Variants in LRBA observed in about 807,000 individuals in gnomAD.
LRBA encodes lipopolysaccharide-responsive and beige-like anchor protein.
Under a neutral mutation model 330.0 loss-of-function variants are expected in LRBA, and 176 were observed. The ratio of observed to expected loss-of-function variants is 0.53; its 90% CI spans 0.47 to 0.60. The LOEUF is 0.60. Ranked by LOEUF, LRBA falls within the 20% of genes least tolerant of loss-of-function variation. The pLI is 0.00. For missense variants in LRBA, 3,259 were observed against 3,444.8 expected, an observed-to-expected ratio of 0.95 and a Z score of 1.35; for synonymous variants, 1,230 against 1,193.0, an observed-to-expected ratio of 1.03 and a Z score of -0.64.
chr4:150,727,287 T>A (rs1729832774), intron 36 of LRBA, among the ~76,000 whole-genome samples: 1 of 152,030 alleles, frequency 6.6e-6, no homozygotes, highest in Admixed American at 6.6e-5. Flanking sequence ...TTGGCCAGGC[T>A]GGTCTCAAAC....
At chr4:150,637,936 T>C (rs1043757548) in intron 37 of LRBA, among the ~76,000 whole-genome samples, 4 of 152,206 alleles carry the variant, frequency 2.6e-5, no homozygotes, top group Non-Finnish European at 5.9e-5. Flanking sequence ...CTGGGACCTT[T>C]GTATTTCCAT....
intron 37 of LRBA, among the ~76,000 whole-genome samples, chr4:150,655,486 G>A (rs1780095322): frequency 6.6e-6 from 1 of 152,160 alleles, no homozygotes; most frequent in East Asian, 1.9e-4. Context: ...GGGTTGCTGG[G>A]TGAAGGAATA....
At chr4:150,805,587 AAAGGAAAGGAAAGGAAAAGAAAG>A (rs1560842803) in intron 33 of LRBA, among the ~76,000 whole-genome samples, 7 of 135,678 alleles carry the variant, frequency 5.2e-5, no homozygotes, top group African/African-American at 2.2e-4. Context: ...AAAGGAAAGG[AAAGGAAAGGAAAGGAAAAGAAAG>A]GAAAGGAAAG....
chr4:150,372,762 T>TTTTTTTTTTTTTTTTTTTGAGACGG (rs1554011252), intron 47 of LRBA, among the ~76,000 whole-genome samples: 3 of 144,200 alleles, frequency 2.1e-5, no homozygotes, highest in East Asian at 2.0e-4. Flanking sequence ...AGTAAGTTCT[T>TTTTTTTTTTTTTTTTTTTGAGACGG]ACTAGATATT....
chr4:150,993,751 A>T (rs1294478511), intron 2 of LRBA, among the ~76,000 whole-genome samples: 1 of 152,180 alleles, frequency 6.6e-6, no homozygotes, highest in Non-Finnish European at 1.5e-5. Flanking sequence ...AGACTTATTC[A>T]CTACCACGAG....
At chr4:150,424,334 A>C (rs921634077) in intron 46 of LRBA, among the ~76,000 whole-genome samples, 1 of 152,226 alleles carries the variant, frequency 6.6e-6, no homozygotes, top group African/African-American at 2.4e-5. Context: ...TAATTGATAT[A>C]AATGAGTTAA....
At chr4:150,427,743 T>G (rs1010216155) in intron 46 of LRBA, among the ~76,000 whole-genome samples, 1 of 152,026 alleles carries the variant, frequency 6.6e-6, no homozygotes, top group Non-Finnish European at 1.5e-5. Context: ...TTTTTTTTAC[T>G]AAGAAAATAA....
At chr4:150,907,192 T>C (rs1375569663) in intron 11 of LRBA, among the ~76,000 whole-genome samples, 2 of 130,808 alleles carry the variant, frequency 1.5e-5, no homozygotes, top group African/African-American at 5.8e-5. Context: ...CTCCTCCACA[T>C]CAGTGCTTTC....
At chr4:150,792,087 T>A in intron 34 of LRBA, among the ~76,000 whole-genome samples, 1 of 139,734 alleles carries the variant, frequency 7.2e-6, no homozygotes, top group African/African-American at 2.7e-5. Flanking sequence ...GCAAAGCAAC[T>A]CATAGTCAAA....
At chr4:150,449,969 A>G (rs1218331056) in intron 44 of LRBA, among the ~76,000 whole-genome samples, 1 of 152,148 alleles carries the variant, frequency 6.6e-6, no homozygotes, top group Non-Finnish European at 1.5e-5. Flanking sequence ...AATGTAAATG[A>G]CCTCAACACC....
chr4:151,010,466 AT>A (rs1744693167), intron 2 of LRBA, among the ~76,000 whole-genome samples: 2 of 152,248 alleles, frequency 1.3e-5, no homozygotes, highest in South Asian at 4.1e-4. Flanking sequence ...TGCACTGTTA[AT>A]CAAAATTTAT....
chr4:150,795,021 G>A (rs1436718805), intron 34 of LRBA, among the ~76,000 whole-genome samples: 3 of 151,974 alleles, frequency 2.0e-5, no homozygotes, highest in Non-Finnish European at 2.9e-5. Flanking sequence ...AGATGTTTTG[G>A]GTTGAAACCA....
chr4:150,634,956 T>C (rs1241202657), intron 37 of LRBA, among the ~76,000 whole-genome samples: 2 of 152,184 alleles, frequency 1.3e-5, no homozygotes, highest in Admixed American at 6.5e-5. Context: ...ACAATTGAAG[T>C]TGACCTCTCA....
intron 40 of LRBA, among the ~76,000 whole-genome samples, chr4:150,497,954 G>C (rs143280859): frequency 6.6e-6 from 1 of 152,110 alleles, no homozygotes; most frequent in South Asian, 2.1e-4. Flanking sequence ...TTGCCCTTAT[G>C]ACCTGAAATT....
intron 37 of LRBA, among the ~76,000 whole-genome samples, chr4:150,613,768 C>A (rs894544112): frequency 2.0e-5 from 3 of 152,206 alleles, no homozygotes; most frequent in Non-Finnish European, 4.4e-5. Flanking sequence ...GCCTCTCTGG[C>A]CAGTTATGCT....
intron 37 of LRBA, among the ~76,000 whole-genome samples, chr4:150,671,217 T>C (rs1378108728): frequency 6.6e-6 from 1 of 152,140 alleles, no homozygotes; most frequent in African/African-American, 2.4e-5. Flanking sequence ...ATATTATTAG[T>C]CTATGATTCA....
chr4:150,791,210 C>T (rs1402128992), intron 34 of LRBA, among the ~76,000 whole-genome samples: 1 of 152,124 alleles, frequency 6.6e-6, no homozygotes, highest in East Asian at 1.9e-4. Context: ...GCTTCAGCCC[C>T]AGTAGCGGGG....
At chr4:150,407,520 C>T (rs1392447511) in intron 47 of LRBA, among the ~76,000 whole-genome samples, 1 of 151,982 alleles carries the variant, frequency 6.6e-6, no homozygotes, top group Non-Finnish European at 1.5e-5. Context: ...TAGTTAAACA[C>T]AAAAAACTAA....
chr4:150,651,363 C>A (rs1335777396), intron 37 of LRBA, among the ~76,000 whole-genome samples: 1 of 151,994 alleles, frequency 6.6e-6, no homozygotes, highest in Admixed American at 6.6e-5. Flanking sequence ...TGAATGGAAC[C>A]CCAACACCAT....
Sources: allele counts gnomAD v4.1 joint callset (sites outside exome capture counted in the v4.1 genomes callset), GRCh38; gene constraint gnomAD v4.1.1; transcripts MANE v1.5; gene names NCBI Gene and HGNC (gene_info 2026-07-23, HGNC 2026-07-21).